Variants in GALR1 observed in about 807,000 individuals in gnomAD.
GALR1 encodes galanin receptor type 1.
Under a neutral mutation model 17.9 loss-of-function variants are expected in GALR1, and 11 were observed. The observed-to-expected ratio is 0.62, with a 90% CI of 0.39 to 1.02. The LOEUF (loss-of-function observed/expected upper bound fraction) is 1.02, where lower values mean the gene tolerates loss of function less well. Among genes scored for constraint, GALR1 ranks in the 50% least tolerant of loss-of-function variants. The pLI, the probability that GALR1 is intolerant of heterozygous loss-of-function variation, is 0.01. For synonymous variants in GALR1, 206 were observed against 205.7 expected (o/e 1.00, Z -0.01); for missense variants, 441 against 456.9 (o/e 0.97, Z 0.32).
At chr18:77,255,974 T>C (rs1235454863) in intron 1 of GALR1, among the ~76,000 whole-genome samples, 184 bp from the exon 2 acceptor site, 4 of 152,208 alleles carry the variant, frequency 2.6e-5, no homozygotes, top group Non-Finnish European at 5.9e-5. Flanking sequence ...CTCCTAAGTG[T>C]TAGAAAAGAA....
At chr18:77,267,142 G>T (rs1912960073) in intron 2 of GALR1, among the ~76,000 whole-genome samples, 1 of 152,250 alleles carries the variant, frequency 6.6e-6, no homozygotes, top group African/African-American at 2.4e-5. Flanking sequence ...AACAGAGGAG[G>T]CTGGGGAAGC....
In GALR1 at chr18:77,272,663, C is replaced by T. The variant is rs151147349; in HGVS notation, c.*3761C>T. On this transcript the variant is annotated 3_prime_UTR_variant, in exon 3 of 3. Transcript: ENST00000299727. The stretch of plus-strand genomic sequence containing the variant: ...TAAGTGGGTTTCTATGAAAGGTAAT[C>T]GTATTCTTCTTGACCATTAAAAATG... 11 of 152,264 alleles carry T rather than the reference C, an allele frequency of 7.2e-5. No individual in the cohort carries two copies. Among genetic ancestry groups the T allele is most frequent in the South Asian group, 2.1e-4 (1 of 4,834 alleles). 9.4% of individuals were successfully genotyped at this position (152,264 alleles called of 1,614,324 possible).
chr18:77,250,855 C>T lies in GALR1; in HGVS notation c.307C>T (p.Leu103=). 6.2e-7 allele frequency: 1 copy of T among 1,612,658 alleles called. No individual in the cohort carries two copies. Residue 103 remains leucine (L), a synonymous_variant, in exon 1 of 3, where the codon CTG becomes TTG. Coordinates refer to ENST00000299727, the MANE Select transcript of GALR1 (RefSeq NM_001480.4). ...CGTGTACGCGCTGCCCACCTGGGTG[C>T]TGGGCGCCTTCATCTGCAAGTTCAT... ...ATVYALPTWV[L]GAFICKFIHY... is the part of the protein sequence containing the mutation.
rs370547437 is a variant in GALR1, at chr18:77,252,881, T to G, written c.666+1667T>G. Among the ~76,000 whole-genome samples, 23 of 55,304 alleles carry G rather than the reference T, an allele frequency of 4.2e-4. 2 individuals carry two copies. In the Admixed American group the frequency reaches 4.7e-3, roughly 11 times the overall value. 36.3% of individuals were successfully genotyped at this position (55,304 alleles called of 152,430 possible). ...ACCACCACCACCACCACCACCACCA[T>G]CACCACCACCACCATCACCACCACC... On this transcript the variant is annotated intron_variant, in intron 1 of 2. Coordinates refer to ENST00000299727, the MANE Select transcript of GALR1 (RefSeq NM_001480.4).
chr18:77,255,688 C>T (rs1005995614), intron 1 of GALR1, among the ~76,000 whole-genome samples: 1 of 152,214 alleles, frequency 6.6e-6, no homozygotes, highest in Non-Finnish European at 1.5e-5. Flanking sequence ...TGCCTGCTTT[C>T]CGCATCAGAT....
chr18:77,253,007 C>CCACCATCACCACCATCACCACCACCAT (rs1912501516), intron 1 of GALR1, among the ~76,000 whole-genome samples: 1 of 74,158 alleles, frequency 1.3e-5, no homozygotes, highest in African/African-American at 5.2e-5. Flanking sequence ...ACCACCACCA[C>CCACCATCACCACCATCACCACCACCAT]CACCACCACC....
intron 2 of GALR1, among the ~76,000 whole-genome samples, chr18:77,263,686 C>T (rs752719183): frequency 6.6e-6 from 1 of 152,166 alleles, no homozygotes; most frequent in Non-Finnish European, 1.5e-5. Context: ...GGATCCTGGG[C>T]ACAGCTTCCT....
chr18:77,259,056 G>C (rs1184617519), intron 2 of GALR1, among the ~76,000 whole-genome samples: 1 of 5,982 alleles, frequency 1.7e-4, no homozygotes, highest in African/African-American at 1.9e-4. Flanking sequence ...TGGTGGTGAT[G>C]ATGGTGGTCA....
chr18:77,262,638 C>A (rs1006869767), intron 2 of GALR1, among the ~76,000 whole-genome samples: 1 of 152,156 alleles, frequency 6.6e-6, no homozygotes, highest in African/African-American at 2.4e-5. Context: ...ACTTCAATGG[C>A]CTGAGATGCT....
chr18:77,270,851 A>G lies in GALR1; in HGVS notation c.*1949A>G, dbSNP rs1599366872. On this transcript the variant is annotated 3_prime_UTR_variant, in exon 3 of 3. Coordinates refer to ENST00000299727, the MANE Select transcript of GALR1 (RefSeq NM_001480.4). ...GGGTCTTAAAGAATATGTCCTTTGC[A>G]TCGAATGTTTTTTGCACTTTATTCA... 6.6e-6 allele frequency: 1 copy of G among 152,228 alleles called. No homozygotes were observed. Among genetic ancestry groups the G allele is most frequent in the Non-Finnish European group, 1.5e-5 (1 of 68,044 alleles). The allele number at this position is 152,228 out of a possible 1,614,324, so 9.4% of individuals were successfully genotyped here. A position where few individuals can be genotyped will look rare whatever the true frequency, so the allele number is the denominator to read the frequency against.
In GALR1 at chr18:77,269,930, T is replaced by G. The variant is rs1913027582; in HGVS notation, c.*1028T>G. 6.6e-6 allele frequency: 1 copy of G among 152,234 alleles called. No homozygotes were observed. The highest frequency in any genetic ancestry group is 2.1e-4 in the South Asian group (1 of 4,828). The allele number at this position is 152,234 out of a possible 1,614,324, so 9.4% of individuals were successfully genotyped here. On this transcript the variant is annotated 3_prime_UTR_variant, in exon 3 of 3. Transcript: ENST00000299727. ...CATGGGACTGAATATACCTGGGGTA[T>G]CCTATCTTGTACAAATGCATGCTTT...
chr18:77,264,057 G>T (rs560938605), intron 2 of GALR1, among the ~76,000 whole-genome samples: 42 of 146,106 alleles, frequency 2.9e-4, no homozygotes, highest in African/African-American at 1.1e-3. Context: ...TCGCTTGAAC[G>T]TGGGAGATGG....
rs115960684 is a variant in GALR1 at position 77,254,874 on chromosome 18, G to A, written c.667-1284G>A. ...AGATGTTGCTGAGTCATTTCAGGAAGTGGGAAGCATTTCGGTAGGGGAGAG... is the reference window on the plus strand; with the variant it reads ...AGATGTTGCTGAGTCATTTCAGGAAATGGGAAGCATTTCGGTAGGGGAGAG... On this transcript the variant is annotated intron_variant, in intron 1 of 2. Transcript: ENST00000299727. Among the ~76,000 whole-genome samples, 509 of 152,334 alleles carry A rather than the reference G, an allele frequency of 3.3e-3. 2 individuals carry two copies. The highest frequency in any genetic ancestry group is 0.012 in the African/African-American group (482 of 41,582).
Position 77,276,601 on chromosome 18 carries a change from G to A in GALR1, c.*7699G>A, listed in dbSNP as rs1913162476. On this transcript the variant is annotated 3_prime_UTR_variant, in exon 3 of 3. Coordinates refer to ENST00000299727, the MANE Select transcript of GALR1 (RefSeq NM_001480.4). The stretch of plus-strand genomic sequence containing the variant: ...GCAGCTGGTCCAGAGACCACCTTGT[G>A]AGATCTACTACCTGATTTAATTGGT... 6.6e-6 allele frequency: 1 copy of A among 152,152 alleles called. No individual in the cohort carries two copies. The highest frequency in any genetic ancestry group is 6.5e-5 in the Admixed American group (1 of 15,270). 9.4% of individuals were successfully genotyped at this position (152,152 alleles called of 1,614,324 possible).
At chr18:77,256,382 T>G (rs1194640383) in intron 2 of GALR1, among the ~76,000 whole-genome samples, 159 bp downstream of exon 2, 1 of 152,106 alleles carries the variant, frequency 6.6e-6, no homozygotes, top group East Asian at 1.9e-4. Flanking sequence ...AGGATGGGAA[T>G]GGAGGGTCGG....
intron 1 of GALR1, among the ~76,000 whole-genome samples, chr18:77,255,400 C>T (rs1231356239): frequency 1.3e-5 from 2 of 152,176 alleles, no homozygotes; most frequent in Non-Finnish European, 2.9e-5. Context: ...CAAGGAGATT[C>T]CCTGACAGGG....
chr18:77,256,249 A>T, intron 2 of GALR1, 26 bp downstream of exon 2: 7 of 1,225,928 alleles, frequency 5.7e-6, no homozygotes, highest in South Asian at 1.3e-5. Context: ...ATATATATAT[A>T]TGTTACTTTT....
At position 77,276,803 on chromosome 18, in the gene GALR1, C is replaced by G. The variant is rs1256250489; in HGVS notation, c.*7901C>G. On this transcript the variant is annotated 3_prime_UTR_variant, in exon 3 of 3. Coordinates refer to ENST00000299727, the MANE Select transcript of GALR1 (RefSeq NM_001480.4). ...TTTTTATTGCTTACATTGATCAGAT[C>G]CATAAAATATCTGTTTAACTATTAC... 6.6e-6 allele frequency: 1 copy of G among 152,094 alleles called. No individual in the cohort carries two copies. Among genetic ancestry groups the G allele is most frequent in the African/African-American group, 2.4e-5 (1 of 41,414 alleles). The allele number at this position is 152,094 out of a possible 1,614,324, so 9.4% of individuals were successfully genotyped here. A position where few individuals can be genotyped will look rare whatever the true frequency, so the allele number is the denominator to read the frequency against.
intron 2 of GALR1, among the ~76,000 whole-genome samples, chr18:77,262,586 C>G (rs1285308384): frequency 2.6e-5 from 4 of 152,190 alleles, no homozygotes; most frequent in Non-Finnish European, 5.9e-5. Flanking sequence ...TGCCCAGGGC[C>G]TGTTTGCATG....
Sources: allele counts gnomAD v4.1 joint callset (sites outside exome capture counted in the v4.1 genomes callset), GRCh38; gene constraint gnomAD v4.1.1; transcripts MANE v1.5; gene names NCBI Gene and HGNC (gene_info 2026-07-23, HGNC 2026-07-21).